The following NISCH variants were observed in gnomAD, a reference collection of about 807,000 sequenced individuals.
The protein encoded by NISCH is I-1 receptor candidate protein.
A neutral mutation model predicts 138.4 loss-of-function variants in NISCH; 55 were observed. The observed-to-expected ratio is 0.40, with a 90% CI of 0.32 to 0.50. NISCH has a LOEUF of 0.50. Ranked by LOEUF, NISCH falls within the 20% of genes least tolerant of loss-of-function variation. The probability of loss-of-function intolerance (pLI) is 0.71; values close to 1 mark genes in which losing one functional copy is unlikely to be tolerated. For synonymous variants in NISCH, 860 were observed against 861.5 expected (o/e 1.00, Z 0.03); for missense variants, 1,643 against 2,005.5 (o/e 0.82, Z 3.45).
At chr3:52,465,593 G>A (rs886298004) in intron 3 of NISCH, among the ~76,000 whole-genome samples, 19 of 152,208 alleles carry the variant, frequency 1.2e-4, no homozygotes, top group Non-Finnish European at 1.9e-4. Context: ...CCTCCTGGAC[G>A]CGTGGTGACA....
chr3:52,481,618 C>T (rs758348780), intron 13 of NISCH: 298 of 985,602 alleles, frequency 3.0e-4, no homozygotes, highest in Non-Finnish European at 3.4e-4. Context: ...AGGGACACAG[C>T]CATTTCTGCC....
At chr3:52,472,245 G>A in intron 5 of NISCH, 58 bp from the exon 6 acceptor site, 12 of 1,482,584 alleles carry the variant, frequency 8.1e-6, no homozygotes, top group South Asian at 1.1e-5. Context: ...AGCTGCTGCA[G>A]CACTCCCCGA....
chr3:52,463,750 G>A (rs1706702065), intron 3 of NISCH, among the ~76,000 whole-genome samples: 1 of 108,938 alleles, frequency 9.2e-6, no homozygotes, highest in South Asian at 3.3e-4. Context: ...CTGAGACAGA[G>A]TCTCGCTCTG....
At position 52,487,493 on chromosome 3, in the gene NISCH, A is replaced by G; in HGVS notation, c.2001A>G (p.Gly667=). 6.2e-7 allele frequency: 1 copy of G among 1,601,348 alleles called. No homozygotes were observed. Among genetic ancestry groups the G allele is most frequent in the Non-Finnish European group, 8.5e-7 (1 of 1,171,638 alleles). Residue 667 remains glycine, a synonymous_variant, in exon 16 of 21, where the codon GGA becomes GGG. Transcript: ENST00000345716. This position sits in a 1 kb window ranked among gnomAD's most constrained non-coding sequence, Gnocchi z 9.1. ...MGPPDVEEEE[G]GGQGEEEEEE... ...CCCCAGACGTGGAGGAGGAGGAGGG[A>G]GGAGGCCAGGGGGAGGAAGAGGAGG...
chr3:52,458,763 G>A lies in NISCH; in HGVS notation c.279G>A (p.Glu93=). The part of the protein sequence containing the change: ...SLVEKREKDL[E]VYLQKLLAAF... ...TGGAGAAGAGGGAGAAGGATCTGGA[G>A]GTCTACCTCCAGAAGCTCCTGGCTG... The change falls in exon 3 of 21, where the codon GAG becomes GAA. Residue 93 remains glutamate (E), a synonymous_variant. Transcript: ENST00000345716. The A allele has an allele frequency of 6.2e-7, 1 of 1,613,668 alleles. No homozygotes were observed. Among genetic ancestry groups the A allele is most frequent in the Non-Finnish European group, 8.5e-7 (1 of 1,180,006 alleles).
chr3:52,485,629 A>C, intron 14 of NISCH, 149 bp from the exon 15 acceptor site: 1 of 815,750 alleles, frequency 1.2e-6, no homozygotes, highest in Non-Finnish European at 2.0e-6. Context: ...CCAGGGTCCC[A>C]GAGTGGGCTC....
chr3:52,479,690 C>T (rs1028334982), intron 11 of NISCH, 59 bp from the exon 12 acceptor site: 103 of 1,207,630 alleles, frequency 8.5e-5, no homozygotes, highest in Non-Finnish European at 1.1e-4. Flanking sequence ...CATCACCAGT[C>T]CCCATGCTGA....
At chr3:52,478,605 C>T (rs753422825) in intron 11 of NISCH, 28 bp downstream of exon 11, 11 of 1,608,490 alleles carry the variant, frequency 6.8e-6, no homozygotes, top group Non-Finnish European at 9.4e-6. Context: ...CAGAAGAGCC[C>T]AGGGAGACCT....
rs774779924 is a variant in NISCH, at chr3:52,487,902, C to CGCGTGG, written c.2410_2411insGCGTGG (p.His804delinsArgValAsp). On this transcript the variant is annotated protein_altering_variant, in exon 16 of 21. Coordinates refer to ENST00000345716, the MANE Select transcript of NISCH (RefSeq NM_007184.4). The surrounding 1 kb of genome is among the most constrained non-coding windows in gnomAD (Gnocchi z 9.1). ...GGACGCCGCCAACCTGCACGAGTTC[C>CGCGTGG]ACGCGGACCTGCGCTCATGCTTTGC... The CGCGTGG allele has an allele frequency of 6.2e-7, 1 of 1,612,020 alleles. No individual in the cohort carries two copies. The highest frequency in any genetic ancestry group is 1.1e-5 in the South Asian group (1 of 91,048).
intron 16 of NISCH, 27 bp from the exon 17 acceptor site, chr3:52,489,309 T>C: frequency 1.1e-5 from 17 of 1,599,044 alleles, no homozygotes; most frequent in Non-Finnish European, 1.3e-5. Context: ...GGTCCGCTGT[T>C]AATATGGTGT....
intron 4 of NISCH, chr3:52,471,508 G>T: frequency 2.0e-6 from 1 of 494,952 alleles, no homozygotes; most frequent in Non-Finnish European, 3.6e-6. Context: ...CCAGAATGCT[G>T]TCCCTCTCCG....
rs762101757 is a variant in NISCH, at chr3:52,484,566, A to T, written c.1582A>T (p.Ser528Cys). Reference protein sequence around the residue: ...ALASSLSSTDSLTPEHQPIAQ... With the variant: ...ALASSLSSTDCLTPEHQPIAQ... ...GGCCAGCAGCCTCTCGTCCACTGACAGTCTGACTCCCGAGCACCAGCCCAT... is the reference window on the plus strand; with the variant it reads ...GGCCAGCAGCCTCTCGTCCACTGACTGTCTGACTCCCGAGCACCAGCCCAT... The change falls in exon 14 of 21, where the codon AGT (serine) becomes TGT (cysteine). Residue 528 changes from serine (S) to cysteine (C), a missense_variant. Coordinates refer to ENST00000345716, the MANE Select transcript of NISCH (RefSeq NM_007184.4). The T allele has an allele frequency of 6.2e-7, 1 of 1,613,134 alleles. No individual in the cohort carries two copies. The highest frequency in any genetic ancestry group is 8.5e-7 in the Non-Finnish European group (1 of 1,179,824).
At chr3:52,471,370 G>A (rs1196424821) in intron 4 of NISCH, 4 of 278,272 alleles carry the variant, frequency 1.4e-5, no homozygotes, top group African/African-American at 6.6e-5. Flanking sequence ...GGAGTGGAGC[G>A]AGGACCAAGC....
chr3:52,475,065 C>T (rs965155789), intron 7 of NISCH, among the ~76,000 whole-genome samples: 4 of 152,082 alleles, frequency 2.6e-5, no homozygotes, highest in African/African-American at 9.7e-5. Flanking sequence ...CTGATCAAGA[C>T]TTAGGTTTGG....
chr3:52,482,176 T>A (rs1172122521), intron 13 of NISCH, among the ~76,000 whole-genome samples: 1 of 152,180 alleles, frequency 6.6e-6, no homozygotes, highest in African/African-American at 2.4e-5. Context: ...TTCAGCCGCG[T>A]GTTCCTGGGT....
chr3:52,483,550 C>G (rs963957693), intron 13 of NISCH, among the ~76,000 whole-genome samples: 1 of 152,242 alleles, frequency 6.6e-6, no homozygotes, highest in African/African-American at 2.4e-5. Flanking sequence ...TTTAGGAACA[C>G]TGTGCATTTA....
At chr3:52,481,811 ACT>A (rs1707283745) in intron 13 of NISCH, 2 of 985,152 alleles carry the variant, frequency 2.0e-6, no homozygotes, top group Non-Finnish European at 2.4e-6. Flanking sequence ...CCCTGGGGAC[ACT>A]CTGCAGAGGG....
rs1254046824 is a variant in NISCH at position 52,487,140 on chromosome 3, G to C, written c.1704-56G>C. ...GCAGTGGGCTCCAGATGTGGCAGGTGGGAGGTGGGAGGGGCCCCTCCCAGC... is the reference window on the plus strand; with the variant it reads ...GCAGTGGGCTCCAGATGTGGCAGGTCGGAGGTGGGAGGGGCCCCTCCCAGC... On this transcript the variant is annotated intron_variant, in intron 15 of 20. Transcript: ENST00000345716. The surrounding 1 kb of genome is among the most constrained non-coding windows in gnomAD (Gnocchi z 9.1). 1.9e-6 allele frequency: 3 copies of C among 1,553,898 alleles called. No homozygotes were observed. Among genetic ancestry groups the C allele is most frequent in the Middle Eastern group, 1.7e-4 (1 of 5,790 alleles).
At chr3:52,463,152 C>T (rs960199258) in intron 3 of NISCH, among the ~76,000 whole-genome samples, 4 of 152,226 alleles carry the variant, frequency 2.6e-5, no homozygotes, top group Admixed American at 6.5e-5. Flanking sequence ...CACTAATCTA[C>T]TTTCTGTCCT....
Sources: gnomAD v4.1 joint callset for allele counts (sites outside exome capture counted in the v4.1 genomes callset) on GRCh38, gnomAD v4.1.1 for gene constraint, Gnocchi (gnomAD v3.1) non-coding constraint, MANE v1.5 for transcripts, NCBI Gene and HGNC (gene_info 2026-07-23, HGNC 2026-07-21) for gene names.